GPR39: variants seen among roughly 807,000 people sequenced by gnomAD.
GPR39 encodes zinc sensing receptor.
GPR39 carries 23 observed loss-of-function variants against 18.4 expected under a neutral mutation model. The ratio of observed to expected loss-of-function variants is 1.25; its 90% CI spans 0.90 to 1.77. GPR39 has a LOEUF of 1.77. Among genes scored for constraint, GPR39 ranks in the 40% most tolerant of loss-of-function variants. GPR39 has a pLI of 0.00. For synonymous variants in GPR39, 280 were observed against 257.9 expected (o/e 1.09, Z -0.82); for missense variants, 647 against 602.4 (o/e 1.07, Z -0.78).
chr2:132,429,966 A>G (rs1558796542), intron 1 of GPR39, among the ~76,000 whole-genome samples: 1 of 152,362 alleles, frequency 6.6e-6, no homozygotes, highest in East Asian at 1.9e-4. Context: ...GAGGAAGTTG[A>G]TAGCTAGGCT....
chr2:132,419,476 G>A (rs532683369), intron 1 of GPR39, among the ~76,000 whole-genome samples: 2 of 152,330 alleles, frequency 1.3e-5, no homozygotes, highest in African/African-American at 4.8e-5. Context: ...AGGTAAGCCT[G>A]GTGGTGTTGC....
intron 1 of GPR39, among the ~76,000 whole-genome samples, chr2:132,550,686 C>T (rs1157970273): frequency 6.6e-6 from 1 of 152,156 alleles, no homozygotes; most frequent in Non-Finnish European, 1.5e-5. Context: ...CAGGAGTTAT[C>T]CAGTCTAACT....
intron 1 of GPR39, among the ~76,000 whole-genome samples, chr2:132,528,294 T>G (rs1367124709): frequency 6.6e-6 from 1 of 152,190 alleles, no homozygotes; most frequent in Non-Finnish European, 1.5e-5. Context: ...TCTATATGTC[T>G]TTTTTGGTAC....
chr2:132,597,176 A>G (rs578204708), intron 1 of GPR39, among the ~76,000 whole-genome samples: 33 of 152,186 alleles, frequency 2.2e-4, no homozygotes, highest in Non-Finnish European at 4.9e-4. Flanking sequence ...TGGAGCTTCC[A>G]GTTTCTAGAC....
chr2:132,565,413 ATTATAC>A (rs1680331605), intron 1 of GPR39, among the ~76,000 whole-genome samples: 1 of 89,440 alleles, frequency 1.1e-5, no homozygotes, highest in East Asian at 3.2e-4. Flanking sequence ...TTTTTTTTTT[ATTATAC>A]TTTAAGTTTT....
chr2:132,511,760 G>T (rs1324780475), intron 1 of GPR39, among the ~76,000 whole-genome samples: 2 of 152,228 alleles, frequency 1.3e-5, no homozygotes, highest in Admixed American at 1.3e-4. Flanking sequence ...AGCATTTATT[G>T]GTGTTAGCTA....
chr2:132,600,213 AAC>A (rs927246333), intron 1 of GPR39, among the ~76,000 whole-genome samples: 1 of 152,246 alleles, frequency 6.6e-6, no homozygotes, highest in Non-Finnish European at 1.5e-5. Flanking sequence ...TGAAAATAGA[AAC>A]ACAATATACA....
At chr2:132,620,186 AT>A (rs1159151798) in intron 1 of GPR39, among the ~76,000 whole-genome samples, 1 of 151,970 alleles carries the variant, frequency 6.6e-6, no homozygotes, top group Non-Finnish European at 1.5e-5. Context: ...CCCCAGGAGA[AT>A]TTTTTTTACA....
At position 132,534,102 on chromosome 2, in the gene GPR39, G is replaced by C. The variant is rs576311562; in HGVS notation, c.857-110999G>C. 3.9e-5 allele frequency among the ~76,000 whole-genome samples: 6 copies of C among 152,220 alleles called. No homozygotes were observed. In the South Asian group the frequency reaches 1.2e-3, roughly 32 times the overall value. On this transcript the variant is annotated intron_variant, in intron 1 of 1. Transcript: ENST00000329321. ...TTTTGCAACCTACTCATCTGACAAA[G>C]GGCTAATATGCAGAATCTATAATGA...
rs547719005 is a variant in GPR39 at position 132,535,110 on chromosome 2, A to G, written c.857-109991A>G. 4.6e-5 allele frequency among the ~76,000 whole-genome samples: 7 copies of G among 152,194 alleles called. No homozygotes were observed. The South Asian group carries it at 8.3e-4, about 18-fold the overall frequency. ...TGCCCTAATGAGAACTTCCAGTACT[A>G]TGTTGAGTAGGAGTGGTGAGAGAAG... is the stretch of plus-strand genomic sequence containing the variant. On this transcript the variant is annotated intron_variant, in intron 1 of 1. Transcript: ENST00000329321.
intron 1 of GPR39, among the ~76,000 whole-genome samples, chr2:132,490,444 G>C (rs544248163): frequency 2.0e-4 from 30 of 151,944 alleles, no homozygotes; most frequent in Middle Eastern, 3.4e-3. Flanking sequence ...GATATTTAAC[G>C]TATACTTAAT....
chr2:132,620,010 A>T (rs952196824), intron 1 of GPR39, among the ~76,000 whole-genome samples: 7 of 152,222 alleles, frequency 4.6e-5, no homozygotes, highest in African/African-American at 1.7e-4. Flanking sequence ...TAATCTGCCA[A>T]ACCCACTGGT....
chr2:132,564,803 CTTTT>C, intron 1 of GPR39, among the ~76,000 whole-genome samples: 1 of 91,722 alleles, frequency 1.1e-5, no homozygotes, highest in Non-Finnish European at 2.4e-5. Flanking sequence ...CTATTTTTTT[CTTTT>C]TTCTTTTTTT....
chr2:132,539,011 G>T (rs1278302214), intron 1 of GPR39, among the ~76,000 whole-genome samples: 3 of 152,190 alleles, frequency 2.0e-5, no homozygotes, highest in Admixed American at 1.3e-4. Flanking sequence ...GTGGGAGTGG[G>T]ACTTGCTGAG....
intron 1 of GPR39, among the ~76,000 whole-genome samples, chr2:132,576,376 G>A (rs960470189): frequency 1.3e-5 from 2 of 152,036 alleles, no homozygotes; most frequent in Non-Finnish European, 2.9e-5. Context: ...AGCCTAGCCA[G>A]GTGTGATGGC....
intron 1 of GPR39, among the ~76,000 whole-genome samples, chr2:132,561,193 C>T (rs752368341): frequency 1.3e-5 from 2 of 152,150 alleles, no homozygotes; most frequent in Non-Finnish European, 1.5e-5. Flanking sequence ...ACTGGAATTA[C>T]AGGCATGAGC....
chr2:132,545,906 G>C (rs1015202446), intron 1 of GPR39, among the ~76,000 whole-genome samples: 1 of 152,146 alleles, frequency 6.6e-6, no homozygotes, highest in Non-Finnish European at 1.5e-5. Context: ...TAGTGTGGAG[G>C]ACCCACATAG....
chr2:132,535,614 T>G (rs577292565), intron 1 of GPR39, among the ~76,000 whole-genome samples: 6 of 152,160 alleles, frequency 3.9e-5, no homozygotes, highest in African/African-American at 1.4e-4. Context: ...TTCAGTTGTT[T>G]GGAATAGTTT....
intron 1 of GPR39, among the ~76,000 whole-genome samples, chr2:132,584,851 T>C (rs547443581): frequency 3.3e-5 from 5 of 152,342 alleles, no homozygotes; most frequent in African/African-American, 1.2e-4. Context: ...TGCATTCATT[T>C]GGATAACCTA....
Sources: gnomAD v4.1 joint callset for allele counts (sites outside exome capture counted in the v4.1 genomes callset) on GRCh38, gnomAD v4.1.1 for gene constraint, MANE v1.5 for transcripts, NCBI Gene and HGNC (gene_info 2026-07-23, HGNC 2026-07-21) for gene names.